BPGM: variants seen among roughly 807,000 people sequenced by gnomAD.
The protein encoded by BPGM is 2,3-bisphosphoglycerate mutase, erythrocyte.
Under a neutral mutation model 21.6 loss-of-function variants are expected in BPGM, and 15 were observed. The observed-to-expected ratio is 0.70, with a 90% CI of 0.47 to 1.07. The LOEUF is 1.07. BPGM is among the 50% of genes least tolerant of loss of function. BPGM has a pLI of 0.00. For missense variants in BPGM, 273 were observed against 319.0 expected (o/e 0.86, Z 1.10); for synonymous variants, 113 against 116.2 (o/e 0.97, Z 0.18).
intron 1 of BPGM, among the ~76,000 whole-genome samples, chr7:134,655,938 G>A (rs1370779846): frequency 6.6e-6 from 1 of 152,172 alleles, no homozygotes; most frequent in Non-Finnish European, 1.5e-5. Flanking sequence ...GGGATCCATC[G>A]CAAGTGCACC....
chr7:134,649,674 A>G (rs1174390158), intron 1 of BPGM, among the ~76,000 whole-genome samples: 1 of 152,268 alleles, frequency 6.6e-6, no homozygotes, highest in African/African-American at 2.4e-5. Flanking sequence ...TTTGTAAAAT[A>G]TAAATTAAAT....
intron 1 of BPGM, among the ~76,000 whole-genome samples, chr7:134,651,886 G>C (rs576146239): frequency 2.0e-5 from 3 of 152,190 alleles, no homozygotes. Flanking sequence ...TCCTGAGCAA[G>C]TATACATTCC....
chr7:134,673,184 T>C (rs907279302), intron 2 of BPGM, among the ~76,000 whole-genome samples: 2 of 151,500 alleles, frequency 1.3e-5, no homozygotes, highest in Non-Finnish European at 2.9e-5. Context: ...AAAAAGAAAA[T>C]AATAATAATA....
chr7:134,648,654 CA>C (rs1280327181), intron 1 of BPGM, among the ~76,000 whole-genome samples: 5 of 150,820 alleles, frequency 3.3e-5, no homozygotes, highest in African/African-American at 1.2e-4. Context: ...TGATCTTAAA[CA>C]AATCATTTCA....
At chr7:134,671,530 T>C (rs1024004986) in intron 2 of BPGM, among the ~76,000 whole-genome samples, 2 of 151,658 alleles carry the variant, frequency 1.3e-5, no homozygotes, top group East Asian at 3.9e-4. Context: ...CCCGGCTAAT[T>C]TTGTTTTTGT....
At chr7:134,669,295 T>C (rs979729826) in intron 2 of BPGM, among the ~76,000 whole-genome samples, 3 of 152,228 alleles carry the variant, frequency 2.0e-5, no homozygotes, top group African/African-American at 7.2e-5. Flanking sequence ...ATGGTCATTA[T>C]AGGGAACTGC....
chr7:134,658,557 A>T (rs886912901), intron 1 of BPGM: 4 of 152,202 alleles, frequency 2.6e-5, no homozygotes, highest in African/African-American at 9.7e-5. Context: ...TTAAACTTTA[A>T]ATCACACTGG....
At chr7:134,666,545 T>C (rs779994567) in intron 2 of BPGM, among the ~76,000 whole-genome samples, 1 of 152,240 alleles carries the variant, frequency 6.6e-6, no homozygotes, top group Non-Finnish European at 1.5e-5. Flanking sequence ...CACAGGAAAA[T>C]AGAAGGATGG....
intron 2 of BPGM, among the ~76,000 whole-genome samples, chr7:134,669,439 A>G (rs1795870615): frequency 6.6e-6 from 1 of 151,698 alleles, no homozygotes; most frequent in South Asian, 2.1e-4. Context: ...ATTATCATCA[A>G]TTTCTTTAGC....
chr7:134,649,252 A>G (rs544133846), intron 1 of BPGM, among the ~76,000 whole-genome samples: 6 of 152,166 alleles, frequency 3.9e-5, no homozygotes, highest in Admixed American at 1.3e-4. Flanking sequence ...TGTCCCCATT[A>G]CAAGGATATA....
intron 1 of BPGM, among the ~76,000 whole-genome samples, chr7:134,653,981 T>C (rs1269209096): frequency 6.6e-6 from 1 of 152,184 alleles, no homozygotes; most frequent in Non-Finnish European, 1.5e-5. Flanking sequence ...CTTTACTTTT[T>C]TCTGTAAATC....
chr7:134,677,766 T>C (rs1796002960), intron 2 of BPGM, among the ~76,000 whole-genome samples: 1 of 152,204 alleles, frequency 6.6e-6, no homozygotes, highest in Admixed American at 6.5e-5. Flanking sequence ...TTAAAGTAGA[T>C]AATTTGAATA....
chr7:134,678,733 T>C, intron 2 of BPGM, 120 bp from the exon 3 acceptor site: 2 of 1,016,932 alleles, frequency 2.0e-6, no homozygotes, highest in Non-Finnish European at 3.1e-6. Context: ...CTGGAATCCC[T>C]CAGTACCTGC....
intron 1 of BPGM, among the ~76,000 whole-genome samples, chr7:134,659,997 G>A (rs1394624591): frequency 1.3e-5 from 2 of 152,142 alleles, no homozygotes; most frequent in Non-Finnish European, 2.9e-5. Flanking sequence ...TATGTTGTTT[G>A]CACGACAAAA....
In BPGM at chr7:134,646,859, T is replaced by C; in HGVS notation, c.-140T>C. 1 of 183,106 alleles carries C rather than the reference T, an allele frequency of 5.5e-6. No homozygotes were observed. Among genetic ancestry groups the C allele is most frequent in the Non-Finnish European group, 1.2e-5 (1 of 85,038 alleles). The allele number at this position is 183,106 out of a possible 1,614,324, so 11.3% of individuals were successfully genotyped here. A position where few individuals can be genotyped will look rare whatever the true frequency, so the allele number is the denominator to read the frequency against. On this transcript the variant is annotated 5_prime_UTR_variant, in exon 1 of 3. Transcript: ENST00000344924. ...CGTCGATGCCGGCGGCAGTGATGAG[T>C]CCTAGGAGGCGCTGGCTCTTTGGCG...
chr7:134,659,247 T>C (rs571099117), intron 1 of BPGM, among the ~76,000 whole-genome samples: 2 of 152,180 alleles, frequency 1.3e-5, no homozygotes, highest in Non-Finnish European at 2.9e-5. Flanking sequence ...GATCAATGGT[T>C]ACAAAGGGTA....
intron 1 of BPGM, among the ~76,000 whole-genome samples, chr7:134,658,002 G>C (rs183224349): frequency 6.6e-6 from 1 of 152,092 alleles, no homozygotes; most frequent in East Asian, 1.9e-4. Flanking sequence ...TAGCAGCCAC[G>C]ATCTAGCCTG....
intron 1 of BPGM, among the ~76,000 whole-genome samples, chr7:134,660,095 C>G (rs1216137384): frequency 6.6e-6 from 1 of 152,124 alleles, no homozygotes; most frequent in Non-Finnish European, 1.5e-5. Context: ...TGATTTCTTT[C>G]CTTAAGTCCT....
At chr7:134,664,042 C>T (rs1162988261) in intron 2 of BPGM, among the ~76,000 whole-genome samples, 1 of 152,126 alleles carries the variant, frequency 6.6e-6, no homozygotes, top group Non-Finnish European at 1.5e-5. Context: ...TTGAGGGAGG[C>T]TTTGAAACTA....
Sources: gnomAD v4.1 joint callset for allele counts (sites outside exome capture counted in the v4.1 genomes callset) on GRCh38, gnomAD v4.1.1 for gene constraint, MANE v1.5 for transcripts, NCBI Gene and HGNC (gene_info 2026-07-23, HGNC 2026-07-21) for gene names.